RALGPS2: variants seen among roughly 807,000 people sequenced by gnomAD.
RALGPS2 encodes ras-specific guanine nucleotide-releasing factor RalGPS2.
RALGPS2 carries 43 observed loss-of-function variants against 86.8 expected under a neutral mutation model. That is an observed-to-expected ratio of 0.50 (90% CI 0.39 to 0.64). The LOEUF (loss-of-function observed/expected upper bound fraction) is 0.64. Among genes scored for constraint, RALGPS2 ranks in the 30% least tolerant of loss-of-function variants. The pLI is 0.00. For missense variants in RALGPS2, 536 were observed against 694.6 expected (o/e 0.77, Z 2.57); for synonymous variants, 243 against 231.3 (o/e 1.05, Z -0.46).
rs970080251 is a variant in RALGPS2, at chr1:178,917,579, A to T, written c.*1220A>T. On this transcript the variant is annotated 3_prime_UTR_variant, in exon 20 of 20. Coordinates refer to ENST00000367635, the MANE Select transcript of RALGPS2 (RefSeq NM_152663.5). Reference sequence around the variant, plus strand: ...TTTATACTTGTATGATTTACCATAAACATACCAAAACATTTTTCTGAAAAT... The same window carrying T: ...TTTATACTTGTATGATTTACCATAATCATACCAAAACATTTTTCTGAAAAT... The T allele has an allele frequency of 7.9e-5, 12 of 152,170 alleles. 1 individual carries two copies. Among genetic ancestry groups the T allele is most frequent in the Non-Finnish European group, 1.8e-4 (12 of 68,000 alleles). 9.4% of individuals were successfully genotyped at this position (152,170 alleles called of 1,614,324 possible). A position where few individuals can be genotyped will look rare whatever the true frequency, so the allele number is the denominator to read the frequency against.
intron 8 of RALGPS2, among the ~76,000 whole-genome samples, chr1:178,863,551 A>G (rs139941092): frequency 4.0e-4 from 61 of 152,364 alleles, no homozygotes; most frequent in African/African-American, 1.4e-3. Flanking sequence ...TTGACGACAG[A>G]TAAGCTGAAA....
chr1:178,772,037 C>T (rs1652834954), intron 1 of RALGPS2, among the ~76,000 whole-genome samples: 1 of 152,164 alleles, frequency 6.6e-6, no homozygotes, highest in South Asian at 2.1e-4. Flanking sequence ...AGCATGGAAT[C>T]TTGATGTCTG....
intron 19 of RALGPS2, among the ~76,000 whole-genome samples, chr1:178,907,779 T>C (rs73039886): frequency 0.052 from 7,918 of 152,236 alleles, 704 homozygotes; most frequent in African/African-American, 0.18. Flanking sequence ...TTAGAAAGCT[T>C]ACAGAAGTAT....
chr1:178,779,307 C>T (rs1653263393), intron 2 of RALGPS2, among the ~76,000 whole-genome samples: 1 of 152,056 alleles, frequency 6.6e-6, no homozygotes, highest in Non-Finnish European at 1.5e-5. Context: ...ATCTAGGGAA[C>T]TTGCCTGCTT....
intron 15 of RALGPS2, 39 bp from the exon 16 acceptor site, chr1:178,893,880 G>C: frequency 7.4e-7 from 1 of 1,357,898 alleles, no homozygotes; most frequent in Non-Finnish European, 1.0e-6. Flanking sequence ...GACTATTGTA[G>C]ACAAAAGCTC....
chr1:178,775,221 A>G (rs1327613958), intron 1 of RALGPS2, among the ~76,000 whole-genome samples: 1 of 152,152 alleles, frequency 6.6e-6, no homozygotes, highest in Non-Finnish European at 1.5e-5. Flanking sequence ...TCCCTATTTT[A>G]TAGATGAGAA....
At chr1:178,768,154 G>A (rs754610667) in intron 1 of RALGPS2, among the ~76,000 whole-genome samples, 1 of 151,952 alleles carries the variant, frequency 6.6e-6, no homozygotes, top group Non-Finnish European at 1.5e-5. Flanking sequence ...CCTTTTTGTC[G>A]GTGCTTTGAA....
chr1:178,760,727 C>G (rs1465631236), intron 1 of RALGPS2, among the ~76,000 whole-genome samples: 1 of 152,034 alleles, frequency 6.6e-6, no homozygotes, highest in Admixed American at 6.6e-5. Context: ...AGATTATTTC[C>G]TTAGCATTGA....
At chr1:178,784,320 C>G in intron 2 of RALGPS2, 98 bp from the exon 3 acceptor site, 2 of 791,522 alleles carry the variant, frequency 2.5e-6, no homozygotes, top group South Asian at 5.7e-5. Context: ...ATTTGTTAAC[C>G]TACTGTTTTG....
intron 1 of RALGPS2, among the ~76,000 whole-genome samples, chr1:178,743,057 A>T (rs1651121892): frequency 6.6e-6 from 1 of 152,094 alleles, no homozygotes; most frequent in South Asian, 2.1e-4. Context: ...CTTTACAAAC[A>T]TTTTTTTAAA....
intron 8 of RALGPS2, among the ~76,000 whole-genome samples, chr1:178,848,493 C>T (rs537021960): frequency 6.6e-6 from 1 of 152,236 alleles, no homozygotes; most frequent in East Asian, 1.9e-4. Flanking sequence ...TTTCACAAGA[C>T]TCTCTTTAGG....
chr1:178,859,273 A>G (rs1001238073), intron 8 of RALGPS2, among the ~76,000 whole-genome samples: 6 of 151,742 alleles, frequency 4.0e-5, no homozygotes, highest in Admixed American at 3.3e-4. Flanking sequence ...ATTGAAACCA[A>G]TTATACCTAA....
rs145059165 is a variant in RALGPS2, at chr1:178,771,461, G to A, written c.-83-5221G>A. Among the ~76,000 whole-genome samples the A allele has an allele frequency of 8.6e-3, 1,310 of 152,202 alleles. 17 individuals are homozygous for A. Among genetic ancestry groups the A allele is most frequent in the African/African-American group, 0.029 (1,206 of 41,536 alleles). ...TTGTCAGTAATGTTGTGTCCTTCCCGGAGTATCATCACATCCAGAGGCACA... is the reference window on the plus strand; with the variant it reads ...TTGTCAGTAATGTTGTGTCCTTCCCAGAGTATCATCACATCCAGAGGCACA... On this transcript the variant is annotated intron_variant, in intron 1 of 19. Coordinates refer to ENST00000367635, the MANE Select transcript of RALGPS2 (RefSeq NM_152663.5).
In RALGPS2 at chr1:178,898,819, C is replaced by T. The variant is rs74944298; in HGVS notation, c.1524+1063C>T. Among the ~76,000 whole-genome samples, 924 of 151,916 alleles carry T rather than the reference C, an allele frequency of 6.1e-3. 8 individuals carry two copies. Among genetic ancestry groups the T allele is most frequent in the African/African-American group, 0.021 (879 of 41,488 alleles). ...GAGTGAAGGATCATGGAGATTTCTT[C>T]GGTGAATATTTATTTTTTGTATTCT... On this transcript the variant is annotated intron_variant, in intron 17 of 19. Transcript: ENST00000367635.
In RALGPS2 at chr1:178,877,421, C is replaced by T; in HGVS notation, c.608-77C>T. The T allele has an allele frequency of 1.3e-6, 2 of 1,575,390 alleles. 1 individual carries two copies. The highest frequency in any genetic ancestry group is 2.3e-5 in the South Asian group (2 of 85,294). On this transcript the variant is annotated intron_variant, in intron 8 of 19. Coordinates refer to ENST00000367635, the MANE Select transcript of RALGPS2 (RefSeq NM_152663.5). ...TACAGTGGAATATATCTATAAACAA[C>T]CCCTTCCCCCCTTTTCTTTGTCATA...
In RALGPS2 at chr1:178,821,722, G is replaced by A. The variant is rs1166451240; in HGVS notation, c.480+18G>A. 1 of 1,558,648 alleles carries A rather than the reference G, an allele frequency of 6.4e-7. No homozygotes were observed. The highest frequency in any genetic ancestry group is 1.7e-4 in the Middle Eastern group (1 of 5,942). ...CATGGGCGGTGAGTAATATTCTTTAGTTAATGAAAGGTTAGACTTCCTGTG... is the reference window on the plus strand; with the variant it reads ...CATGGGCGGTGAGTAATATTCTTTAATTAATGAAAGGTTAGACTTCCTGTG... On this transcript the variant is annotated intron_variant, in intron 7 of 19. Transcript: ENST00000367635.
chr1:178,734,466 T>C (rs1650563285), intron 1 of RALGPS2, among the ~76,000 whole-genome samples: 4 of 152,222 alleles, frequency 2.6e-5, no homozygotes, highest in Admixed American at 2.6e-4. Flanking sequence ...TGTTCTAAAA[T>C]TGACCGTGTT....
At chr1:178,799,131 C>T (rs1284276777) in intron 4 of RALGPS2, among the ~76,000 whole-genome samples, 2 of 152,144 alleles carry the variant, frequency 1.3e-5, no homozygotes. Context: ...CCTCCACCTC[C>T]TGGGTTCAAG....
chr1:178,853,229 A>G (rs575549910), intron 8 of RALGPS2: 4 of 984,624 alleles, frequency 4.1e-6, no homozygotes, highest in South Asian at 4.7e-5. Context: ...AAATTTATCC[A>G]TAGCTACTAA....
Sources: allele counts gnomAD v4.1 joint callset (sites outside exome capture counted in the v4.1 genomes callset), GRCh38; gene constraint gnomAD v4.1.1; transcripts MANE v1.5; gene names NCBI Gene and HGNC (gene_info 2026-07-23, HGNC 2026-07-21).